ARHGAP26: variants seen among roughly 807,000 people sequenced by gnomAD.
ARHGAP26 encodes the protein Rho GTPase activating protein 26, also known as rho GTPase-activating protein 26.
In ARHGAP26, 38 loss-of-function variants were observed where a neutral mutation model predicts 104.8. The ratio of observed to expected loss-of-function variants is 0.36; its 90% CI spans 0.28 to 0.48. The LOEUF is 0.48. Ranked by LOEUF, ARHGAP26 falls within the 20% of genes least tolerant of loss-of-function variation. The pLI is 0.99. For missense variants in ARHGAP26, 704 were observed against 947.9 expected (o/e 0.74, Z 3.38); for synonymous variants, 341 against 340.0 (o/e 1.00, Z -0.03).
At chr5:143,012,970 A>C (rs116649477) in intron 11 of ARHGAP26, among the ~76,000 whole-genome samples, 3,723 of 151,980 alleles carry the variant, frequency 0.024, 65 homozygotes, top group Middle Eastern at 0.054. Context: ...TTTCTTTTCT[A>C]AAGTAGAGGT....
chr5:143,222,583 T>C lies in ARHGAP26; in HGVS notation c.*137T>C. ...GTTGCTACCTGTCAACATGAATGTT[T>C]CTGTGAGCTCTGGTGTCACTCATCT... On this transcript the variant is annotated 3_prime_UTR_variant, in exon 23 of 23. Coordinates refer to ENST00000645722, the MANE Select transcript of ARHGAP26 (RefSeq NM_001135608.3). The C allele has an allele frequency of 1.7e-6, 1 of 582,840 alleles. No homozygotes were observed. Among genetic ancestry groups the C allele is most frequent in the Non-Finnish European group, 2.8e-6 (1 of 351,298 alleles). 36.1% of individuals were successfully genotyped at this position (582,840 alleles called of 1,614,324 possible). A position where few individuals can be genotyped will look rare whatever the true frequency, so the allele number is the denominator to read the frequency against.
At chr5:143,163,089 T>A (rs1801467945) in intron 20 of ARHGAP26, among the ~76,000 whole-genome samples, 1 of 152,132 alleles carries the variant, frequency 6.6e-6, no homozygotes, top group Non-Finnish European at 1.5e-5. Flanking sequence ...CACTCCAGCC[T>A]GGGTGACACA....
intron 20 of ARHGAP26, among the ~76,000 whole-genome samples, chr5:143,147,698 C>T (rs1443931195): frequency 2.6e-5 from 4 of 152,272 alleles, no homozygotes. Flanking sequence ...GTTTTACAAA[C>T]GTCCAGGGAC....
At chr5:142,936,634 G>A (rs1230862149) in intron 11 of ARHGAP26, among the ~76,000 whole-genome samples, 2 of 152,164 alleles carry the variant, frequency 1.3e-5, no homozygotes, top group Non-Finnish European at 2.9e-5. Flanking sequence ...TTTCTTTTTA[G>A]TGACAGTAAT....
chr5:142,924,593 C>T (rs1373558411), intron 10 of ARHGAP26, among the ~76,000 whole-genome samples: 2 of 152,210 alleles, frequency 1.3e-5, no homozygotes, highest in Non-Finnish European at 2.9e-5. Flanking sequence ...TTGGGGGCTG[C>T]CAGTTGCAGC....
intron 17 of ARHGAP26, among the ~76,000 whole-genome samples, chr5:143,095,719 C>T (rs1340641192): frequency 2.0e-5 from 3 of 152,142 alleles, no homozygotes; most frequent in Non-Finnish European, 4.4e-5. Context: ...ATTACAGGCA[C>T]CCGCCACCAT....
Position 143,129,295 on chromosome 5 carries a change from C to T in ARHGAP26, c.1699-4672C>T, listed in dbSNP as rs80221093. 4.7e-3 allele frequency among the ~76,000 whole-genome samples: 714 copies of T among 152,216 alleles called. 10 individuals carry two copies. The highest frequency in any genetic ancestry group is 0.016 in the African/African-American group (673 of 41,538). On this transcript the variant is annotated intron_variant, in intron 18 of 22. Transcript: ENST00000645722. The stretch of plus-strand genomic sequence containing the variant: ...AGTTATTTCCCTTCTTGTGTGTCTC[C>T]TTTTTTATTGACTACAGTAATATCT...
intron 21 of ARHGAP26, chr5:143,207,572 G>T: frequency 2.1e-6 from 3 of 1,428,070 alleles, no homozygotes; most frequent in Admixed American, 3.9e-5. Flanking sequence ...CATCCTAAGA[G>T]ACCAGAGCTA....
intron 13 of ARHGAP26, among the ~76,000 whole-genome samples, chr5:143,037,918 C>G (rs1000257452): frequency 2.0e-5 from 3 of 152,176 alleles, no homozygotes; most frequent in African/African-American, 7.2e-5. Flanking sequence ...AGGGGTCAGG[C>G]CCATGTTCAC....
intron 3 of ARHGAP26, among the ~76,000 whole-genome samples, chr5:142,878,543 A>ATG (rs3059615): frequency 2.1e-4 from 31 of 150,644 alleles, no homozygotes; most frequent in Non-Finnish European, 3.9e-4. Flanking sequence ...GTGTGCACGC[A>ATG]TGTGTGTGTG....
intron 20 of ARHGAP26, among the ~76,000 whole-genome samples, chr5:143,156,143 G>A (rs146278425): frequency 8.4e-4 from 128 of 152,318 alleles, no homozygotes; most frequent in African/African-American, 2.9e-3. Flanking sequence ...TTCTACCTCT[G>A]TGTATTTAAT....
intron 20 of ARHGAP26, among the ~76,000 whole-genome samples, chr5:143,184,081 A>G (rs553899043): frequency 6.6e-6 from 1 of 152,350 alleles, no homozygotes; most frequent in East Asian, 1.9e-4. Flanking sequence ...GTTAAGGGAA[A>G]GCAGTGTATG....
In ARHGAP26 at chr5:143,223,145, C is replaced by T. The variant is rs746549410; in HGVS notation, c.*699C>T. ...TCTGCCACCAAGGGCTGCCATCCAT[C>T]GCCTAGTAACCACGGCAACCCAACC... On this transcript the variant is annotated 3_prime_UTR_variant, in exon 23 of 23. Transcript: ENST00000645722. 18 of 233,452 alleles carry T rather than the reference C, an allele frequency of 7.7e-5. No homozygotes were observed. Among genetic ancestry groups the T allele is most frequent in the South Asian group, 5.4e-4 (3 of 5,532 alleles). The allele number at this position is 233,452 out of a possible 1,614,324, so 14.5% of individuals were successfully genotyped here.
At chr5:142,878,705 T>C (rs1006640393) in intron 3 of ARHGAP26, among the ~76,000 whole-genome samples, 1 of 151,980 alleles carries the variant, frequency 6.6e-6, no homozygotes, top group African/African-American at 2.4e-5. Flanking sequence ...CCTGTAAGGG[T>C]TTGGGAACAC....
At chr5:143,041,678 CA>C in intron 13 of ARHGAP26, 137 bp from the exon 14 acceptor site, 1 of 638,418 alleles carries the variant, frequency 1.6e-6, no homozygotes, top group South Asian at 1.9e-5. Context: ...AGCTGAGTGA[CA>C]GGGGACTTTA....
Position 143,222,753 on chromosome 5 carries a change from G to C in ARHGAP26, c.*307G>C, listed in dbSNP as rs1022191574. On this transcript the variant is annotated 3_prime_UTR_variant, in exon 23 of 23. Transcript: ENST00000645722. ...TAGGGGGCACTCATTTTGTTTCAAC[G>C]GTCCAAACGCCCAACCTTCAGAAAG... 3.7e-6 allele frequency: 1 copy of C among 268,246 alleles called. No homozygotes were observed. The highest frequency in any genetic ancestry group is 7.1e-6 in the Non-Finnish European group (1 of 141,836). The allele number at this position is 268,246 out of a possible 1,614,324, so 16.6% of individuals were successfully genotyped here.
intron 11 of ARHGAP26, among the ~76,000 whole-genome samples, chr5:142,993,942 T>G (rs1776017421): frequency 6.6e-6 from 1 of 152,216 alleles, no homozygotes; most frequent in African/African-American, 2.4e-5. Context: ...AGTGCTGGGA[T>G]TATAGGCAAG....
intron 20 of ARHGAP26, among the ~76,000 whole-genome samples, chr5:143,194,580 A>G (rs1445536870): frequency 6.6e-6 from 1 of 152,236 alleles, no homozygotes; most frequent in Non-Finnish European, 1.5e-5. Flanking sequence ...TTTGGAAAAA[A>G]AAAAAAATTT....
chr5:143,057,845 A>G, intron 17 of ARHGAP26, 98 bp downstream of exon 17: 1 of 991,694 alleles, frequency 1.0e-6, no homozygotes, highest in East Asian at 2.4e-5. Context: ...TCTCTCTCCC[A>G]CTATTGCATC....
Sources: gnomAD v4.1 joint callset for allele counts (sites outside exome capture counted in the v4.1 genomes callset) on GRCh38, gnomAD v4.1.1 for gene constraint, MANE v1.5 for transcripts, NCBI Gene and HGNC (gene_info 2026-07-23, HGNC 2026-07-21) for gene names.